Variants in TAFA5 observed in about 807,000 individuals in gnomAD.
The protein encoded by TAFA5 is chemokine-like protein TAFA-5.
A neutral mutation model predicts 15.3 loss-of-function variants in TAFA5; 6 were observed. The ratio of observed to expected loss-of-function variants is 0.39; its 90% CI spans 0.21 to 0.77. TAFA5 has a LOEUF of 0.77. Among genes scored for constraint, TAFA5 ranks in the 30% least tolerant of loss-of-function variants. TAFA5 has a pLI of 0.41. For missense variants in TAFA5, 161 were observed against 193.1 expected, an observed-to-expected ratio of 0.83 and a Z score of 0.98; for synonymous variants, 103 against 80.7, an observed-to-expected ratio of 1.28 and a Z score of -1.48.
At chr22:48,653,180 G>A (rs1482370165) in intron 2 of TAFA5, among the ~76,000 whole-genome samples, 1 of 152,224 alleles carries the variant, frequency 6.6e-6, no homozygotes, top group Non-Finnish European at 1.5e-5. Flanking sequence ...AGAGGCGCCT[G>A]GGGGCTGTTG....
intron 1 of TAFA5, among the ~76,000 whole-genome samples, chr22:48,597,576 A>G (rs568563997): frequency 6.8e-6 from 1 of 146,870 alleles, no homozygotes; most frequent in Non-Finnish European, 1.5e-5. Flanking sequence ...TCACCACGCC[A>G]CCATGGCCCG....
chr22:48,744,176 C>T (rs1003227770), intron 3 of TAFA5, among the ~76,000 whole-genome samples: 11 of 152,048 alleles, frequency 7.2e-5, no homozygotes, highest in African/African-American at 9.7e-5. Context: ...GCCCTAAGGA[C>T]GATGCTGGCT....
At chr22:48,748,144 C>T (rs1351406390) in intron 3 of TAFA5, among the ~76,000 whole-genome samples, 2 of 152,202 alleles carry the variant, frequency 1.3e-5, no homozygotes, top group Non-Finnish European at 2.9e-5. Flanking sequence ...TTGTGTGGGC[C>T]AAGCATCAGG....
At chr22:48,651,047 C>A (rs929098662) in intron 2 of TAFA5, among the ~76,000 whole-genome samples, 1 of 152,262 alleles carries the variant, frequency 6.6e-6, no homozygotes, top group Non-Finnish European at 1.5e-5. Context: ...CTGTACCTGG[C>A]CAGCCCGCCT....
intron 1 of TAFA5, among the ~76,000 whole-genome samples, chr22:48,513,794 A>G (rs966932027): frequency 3.9e-5 from 6 of 152,154 alleles, no homozygotes; most frequent in African/African-American, 1.4e-4. Flanking sequence ...AGACCACCTC[A>G]TCTGTCTGCC....
At chr22:48,541,574 G>T (rs1176963582) in intron 1 of TAFA5, among the ~76,000 whole-genome samples, 1 of 152,196 alleles carries the variant, frequency 6.6e-6, no homozygotes, top group Non-Finnish European at 1.5e-5. Flanking sequence ...CAGCCCACCT[G>T]TATGCCACAC....
At chr22:48,653,575 T>C (rs1229388726) in intron 2 of TAFA5, among the ~76,000 whole-genome samples, 4 of 152,118 alleles carry the variant, frequency 2.6e-5, no homozygotes, top group Non-Finnish European at 5.9e-5. Flanking sequence ...CTTTGCTTCA[T>C]CAGAGCCCAG....
At chr22:48,734,816 A>T (rs1429029405) in intron 3 of TAFA5, among the ~76,000 whole-genome samples, 4 of 152,244 alleles carry the variant, frequency 2.6e-5, no homozygotes, top group Admixed American at 2.6e-4. Flanking sequence ...GGTCACCAGC[A>T]GCAGGTGCTG....
chr22:48,690,996 A>C (rs919888756), intron 2 of TAFA5, among the ~76,000 whole-genome samples: 2 of 152,292 alleles, frequency 1.3e-5, no homozygotes, highest in Non-Finnish European at 2.9e-5. Context: ...CTAGGTGAGC[A>C]TCAGGAAGAT....
intron 1 of TAFA5, among the ~76,000 whole-genome samples, chr22:48,593,133 G>T (rs530767672): frequency 6.6e-6 from 1 of 152,206 alleles, no homozygotes; most frequent in Non-Finnish European, 1.5e-5. Flanking sequence ...TCACGTCCGC[G>T]AACAGTGTCA....
chr22:48,741,279 G>T (rs534709943), intron 3 of TAFA5, among the ~76,000 whole-genome samples: 122 of 152,136 alleles, frequency 8.0e-4, no homozygotes, highest in African/African-American at 2.8e-3. Context: ...AGGTGGAGCC[G>T]TCCTCACCCC....
intron 2 of TAFA5, among the ~76,000 whole-genome samples, chr22:48,689,645 G>A (rs557582719): frequency 7.7e-5 from 8 of 104,056 alleles, no homozygotes; most frequent in East Asian, 7.4e-4. Flanking sequence ...TAGGTCACCC[G>A]TGTAGCCCCT....
Position 48,609,454 on chromosome 22 carries a change from A to C in TAFA5, c.113-37143A>C, listed in dbSNP as rs1390533113. On this transcript the variant is annotated intron_variant, in intron 1 of 3. Transcript: ENST00000402357. ...TCTGTGGTGTGAGACCTGTGGCATC[A>C]CTGGCCATGTGTTGTCTGTGGTGTG... Among the ~76,000 whole-genome samples, 8 of 152,024 alleles carry C rather than the reference A, an allele frequency of 5.3e-5. 2 individuals are homozygous for C. The highest frequency in any genetic ancestry group is 2.6e-4 in the Admixed American group (4 of 15,252).
intron 2 of TAFA5, among the ~76,000 whole-genome samples, chr22:48,690,843 T>C (rs7290702): frequency 0.73 from 111,514 of 151,980 alleles, 41,305 homozygotes; most frequent in African/African-American, 0.82. Flanking sequence ...TGGGGGGCCG[T>C]GCTGCCCCCG....
At chr22:48,679,698 TCTCCCCGTCCATCCCTCTCCCGG>T (rs1569076232) in intron 2 of TAFA5, among the ~76,000 whole-genome samples, 4 of 40,296 alleles carry the variant, frequency 9.9e-5, no homozygotes, top group African/African-American at 1.3e-4. Flanking sequence ...CCCTCTCCCG[TCTCCCCGTCCATCCCTCTCCCGG>T]CTCCCCGTCC....
chr22:48,737,253 A>C (rs886360763), intron 3 of TAFA5, among the ~76,000 whole-genome samples: 3 of 152,222 alleles, frequency 2.0e-5, no homozygotes, highest in Non-Finnish European at 4.4e-5. Flanking sequence ...GACAAAGACC[A>C]TGAGACAGGG....
chr22:48,575,662 G>T (rs1416355342), intron 1 of TAFA5, among the ~76,000 whole-genome samples: 4 of 145,968 alleles, frequency 2.7e-5, no homozygotes, highest in African/African-American at 7.4e-5. Flanking sequence ...GGCGCGGTGG[G>T]CCCGGACCTA....
intron 1 of TAFA5, among the ~76,000 whole-genome samples, chr22:48,564,062 G>A (rs1261758959): frequency 6.6e-6 from 1 of 152,262 alleles, no homozygotes; most frequent in Non-Finnish European, 1.5e-5. Context: ...GCGTGCACAT[G>A]ATGTGTGCAG....
At chr22:48,685,219 G>A (rs1928317078) in intron 2 of TAFA5, among the ~76,000 whole-genome samples, 1 of 152,194 alleles carries the variant, frequency 6.6e-6, no homozygotes, top group East Asian at 1.9e-4. Flanking sequence ...AGGAATGCTG[G>A]AGTTAAAATG....
Sources: gnomAD v4.1 joint callset for allele counts (sites outside exome capture counted in the v4.1 genomes callset) on GRCh38, gnomAD v4.1.1 for gene constraint, MANE v1.5 for transcripts, NCBI Gene and HGNC (gene_info 2026-07-23, HGNC 2026-07-21) for gene names.